The following NUP88 variants were observed in gnomAD, a reference collection of about 807,000 sequenced individuals.
NUP88 encodes nucleoporin 88, also known as nuclear pore complex protein Nup88.
Under a neutral mutation model 93.9 loss-of-function variants are expected in NUP88, and 57 were observed. The observed-to-expected ratio is 0.61, with a 90% confidence interval of 0.49 to 0.76. The LOEUF (loss-of-function observed/expected upper bound fraction) is 0.76, where lower values mean the gene tolerates loss of function less well. NUP88 is among the 30% of genes least tolerant of loss of function. The pLI is 0.00. For missense variants in NUP88, 911 were observed against 901.0 expected, an observed-to-expected ratio of 1.01 and a Z score of -0.14; for synonymous variants, 346 against 336.8, an observed-to-expected ratio of 1.03 and a Z score of -0.30.
intron 4 of NUP88, among the ~76,000 whole-genome samples, chr17:5,410,081 ATGATCTGATTAAAC>A (rs947918377): frequency 6.6e-6 from 1 of 152,240 alleles, no homozygotes; most frequent in Non-Finnish European, 1.5e-5. Context: ...GGGAAGTAGA[ATGATCTGATTAAAC>A]TGATCTGATT....
At position 5,407,163 on chromosome 17, in the gene NUP88, C is replaced by T. The variant is rs3026137; in HGVS notation, c.857+1570G>A. ...GAATCCTCACCATTCTGTAACCTAC[C>T]GAGCTCTTTCATCTTTCTAATCTTT... is the stretch of plus-strand genomic sequence containing the variant. On this transcript the variant is annotated intron_variant, in intron 5 of 16. Transcript: ENST00000573584. Among the ~76,000 whole-genome samples, 17 of 152,240 alleles carry T rather than the reference C, an allele frequency of 1.1e-4. No homozygotes were observed. In the East Asian group the frequency reaches 2.7e-3, roughly 24 times the overall value.
intron 2 of NUP88, among the ~76,000 whole-genome samples, chr17:5,415,002 AAATT>A (rs1421389553): frequency 6.7e-6 from 1 of 148,946 alleles, no homozygotes; most frequent in African/African-American, 2.5e-5. Flanking sequence ...TTAATAATTT[AAATT>A]ATTTATTTAA....
intron 10 of NUP88, among the ~76,000 whole-genome samples, chr17:5,390,047 C>T (rs1019275390): frequency 6.6e-6 from 1 of 151,650 alleles, no homozygotes; most frequent in Non-Finnish European, 1.5e-5. Context: ...CGCCTGTAAT[C>T]CCAGCTACTA....
intron 4 of NUP88, 74 bp from the exon 5 acceptor site, chr17:5,408,983 A>C: frequency 7.5e-7 from 1 of 1,326,612 alleles, no homozygotes; most frequent in Non-Finnish European, 1.0e-6. Context: ...AAAACAAAAC[A>C]AAAACACAAA....
rs1913416676 is a variant in NUP88, at chr17:5,405,069, T to A, written c.1032A>T (p.Glu344Asp). Residue 344 changes from glutamate to aspartate, a missense_variant, in exon 6 of 17, where the codon GAA becomes GAT. Glu to Asp is a conservative substitution (Grantham distance 45). Coordinates refer to ENST00000573584, the MANE Select transcript of NUP88 (RefSeq NM_002532.6). ...YHCVVLEGEE[E>D]DDHTSEKSWD... ...AGCCTGCACTTACCGTGTGGTCATC[T>A]TCTTCTTCCCCTTCTAGCACGACAC... is the stretch of plus-strand genomic sequence containing the variant. The A allele has an allele frequency of 6.8e-6, 11 of 1,613,480 alleles. No individual in the cohort carries two copies. The highest frequency in any genetic ancestry group is 9.3e-6 in the Non-Finnish European group (11 of 1,179,710).
intron 9 of NUP88, among the ~76,000 whole-genome samples, chr17:5,394,242 G>A (rs1912629231): frequency 6.6e-6 from 1 of 152,174 alleles, no homozygotes; most frequent in Non-Finnish European, 1.5e-5. Flanking sequence ...GAAGACCCAA[G>A]GAAAGAGTTG....
intron 9 of NUP88, among the ~76,000 whole-genome samples, chr17:5,392,569 C>G (rs1912508159): frequency 6.6e-6 from 1 of 152,188 alleles, no homozygotes; most frequent in South Asian, 2.1e-4. Context: ...GGGCTATACA[C>G]TATGTAACCA....
rs1376172591 is a variant in NUP88, at chr17:5,386,699, T to C, written c.2162+9A>G. Reference sequence around the variant, plus strand: ...TCACGATAATAGCTGATTGGAAGTATTTACTTACTCCTCTTTCAGGATGGA... The same window carrying C: ...TCACGATAATAGCTGATTGGAAGTACTTACTTACTCCTCTTTCAGGATGGA... On this transcript the variant is annotated intron_variant, in intron 16 of 16. Coordinates refer to ENST00000573584, the MANE Select transcript of NUP88 (RefSeq NM_002532.6). 6 of 1,530,908 alleles carry C rather than the reference T, an allele frequency of 3.9e-6. No individual in the cohort carries two copies. The highest frequency in any genetic ancestry group is 5.4e-6 in the Non-Finnish European group (6 of 1,104,708). The allele number at this position is 1,530,908 out of a possible 1,614,324, so 94.8% of individuals were successfully genotyped here. A position where few individuals can be genotyped will look rare whatever the true frequency, so the allele number is the denominator to read the frequency against.
chr17:5,391,167 T>C (rs1567566022), intron 10 of NUP88, among the ~76,000 whole-genome samples: 1 of 152,202 alleles, frequency 6.6e-6, no homozygotes, highest in Non-Finnish European at 1.5e-5. Context: ...AAAATGGAAA[T>C]GACAGTGCCT....
chr17:5,401,943 T>C (rs1208846637), intron 7 of NUP88, among the ~76,000 whole-genome samples: 2 of 151,974 alleles, frequency 1.3e-5, no homozygotes, highest in Non-Finnish European at 2.9e-5. Flanking sequence ...TCAGTGATTA[T>C]AATATGCCTT....
At chr17:5,410,443 G>A (rs569299619) in intron 4 of NUP88, among the ~76,000 whole-genome samples, 8 of 150,532 alleles carry the variant, frequency 5.3e-5, no homozygotes, top group Non-Finnish European at 1.0e-4. Context: ...ATAGAAAGGT[G>A]ATAAAGAAAT....
intron 2 of NUP88, among the ~76,000 whole-genome samples, chr17:5,415,701 G>A (rs78847198): frequency 2.3e-3 from 350 of 152,204 alleles, no homozygotes; most frequent in African/African-American, 6.8e-3. Context: ...ATCCTAAATC[G>A]GGGATCCTCT....
At chr17:5,413,406 C>G (rs1354289730) in intron 3 of NUP88, among the ~76,000 whole-genome samples, 1 of 152,196 alleles carries the variant, frequency 6.6e-6, no homozygotes, top group African/African-American at 2.4e-5. Context: ...CAGTTAAAAG[C>G]AGTGATTACG....
intron 1 of NUP88, among the ~76,000 whole-genome samples, chr17:5,418,600 T>C (rs1914351053): frequency 6.6e-6 from 1 of 152,142 alleles, no homozygotes; most frequent in Non-Finnish European, 1.5e-5. Flanking sequence ...GACTGTAGAC[T>C]CCTGCCCTAT....
Position 5,413,999 on chromosome 17 carries a change from T to A in NUP88, c.593+10A>T. On this transcript the variant is annotated intron_variant, in intron 3 of 16. Transcript: ENST00000573584. ...CTCGCAAGGCTTCAAGAGAGAGAAA[T>A]AAAATTTACCTGATTACGTTGTCTG... 6.2e-7 allele frequency: 1 copy of A among 1,612,904 alleles called. No individual in the cohort carries two copies. The highest frequency in any genetic ancestry group is 8.5e-7 in the Non-Finnish European group (1 of 1,179,250).
intron 9 of NUP88, among the ~76,000 whole-genome samples, chr17:5,394,359 G>A (rs749002902): frequency 1.9e-4 from 29 of 152,184 alleles, no homozygotes; most frequent in Non-Finnish European, 3.7e-4. Context: ...AGGGACAGAC[G>A]TCAAGGATGC....
At chr17:5,400,076 G>C (rs888004953) in intron 7 of NUP88, among the ~76,000 whole-genome samples, 3 of 133,614 alleles carry the variant, frequency 2.2e-5, no homozygotes, top group Non-Finnish European at 4.6e-5. Flanking sequence ...GAGACAGCAC[G>C]TGCTGTTTGA....
rs1469640362 is a variant in NUP88, at chr17:5,386,835, TTAAAA to T, written c.2044-14_2044-10del. 8.1e-6 allele frequency: 13 copies of T among 1,597,000 alleles called. No homozygotes were observed. The highest frequency in any genetic ancestry group is 1.0e-5 in the Non-Finnish European group (12 of 1,164,632). On this transcript the variant is annotated splice_polypyrimidine_tract_variant and intron_variant, in intron 15 of 16. Coordinates refer to ENST00000573584, the MANE Select transcript of NUP88 (RefSeq NM_002532.6). ...TCCTTTTTCATAGTAACCTTAAGTA[TTAAAA>T]TAATAGATATTTTGGCAGTGGTTTG... is the stretch of plus-strand genomic sequence containing the variant.
At chr17:5,404,063 A>G (rs373274150) in intron 7 of NUP88, 36 bp downstream of exon 7, 19 of 1,598,024 alleles carry the variant, frequency 1.2e-5, no homozygotes, top group Non-Finnish European at 1.6e-5. Flanking sequence ...TATAAAAATC[A>G]TGGGAAAAAA....
Sources: allele counts gnomAD v4.1 joint callset (sites outside exome capture counted in the v4.1 genomes callset), GRCh38; gene constraint gnomAD v4.1.1; transcripts MANE v1.5; gene names NCBI Gene and HGNC (gene_info 2026-07-23, HGNC 2026-07-21).